The following ADAMTSL3 variants were observed in gnomAD, a reference collection of about 807,000 sequenced individuals.
The protein encoded by ADAMTSL3 is ADAMTS like 3, also known as ADAMTS-like protein 3.
In ADAMTSL3, 128 loss-of-function variants were observed where a neutral mutation model predicts 201.7. The observed-to-expected ratio is 0.63, with a 90% CI of 0.55 to 0.73. The LOEUF (loss-of-function observed/expected upper bound fraction) is 0.73. Among genes scored for constraint, ADAMTSL3 ranks in the 30% least tolerant of loss-of-function variants. The probability of loss-of-function intolerance (pLI) is 0.00; values close to 1 mark genes in which losing one functional copy is unlikely to be tolerated. For synonymous variants in ADAMTSL3, 738 were observed against 748.4 expected (o/e 0.99, Z 0.23); for missense variants, 1,990 against 2,119.6 (o/e 0.94, Z 1.20).
chr15:83,903,644 G>A (rs1236281651), intron 15 of ADAMTSL3, among the ~76,000 whole-genome samples: 1 of 151,774 alleles, frequency 6.6e-6, no homozygotes, highest in Non-Finnish European at 1.5e-5. Context: ...TCAGCCGGGC[G>A]CAGTGGCTCA....
chr15:83,915,599 G>A (rs1391967318), intron 16 of ADAMTSL3, among the ~76,000 whole-genome samples: 4 of 151,972 alleles, frequency 2.6e-5, no homozygotes, highest in African/African-American at 9.7e-5. Flanking sequence ...TTACAAAGTT[G>A]TGCAGCCGTT....
intron 16 of ADAMTSL3, among the ~76,000 whole-genome samples, chr15:83,917,606 A>T (rs940666614): frequency 1.3e-5 from 2 of 152,188 alleles, no homozygotes; most frequent in African/African-American, 4.8e-5. Flanking sequence ...CATCATAAAC[A>T]TTCCTTACCG....
intron 2 of ADAMTSL3, among the ~76,000 whole-genome samples, chr15:83,667,225 C>A (rs1014044616): frequency 6.6e-6 from 1 of 152,070 alleles, no homozygotes; most frequent in African/African-American, 2.4e-5. Context: ...ATCTTTCCGT[C>A]TTTTCTTGTG....
intron 6 of ADAMTSL3, among the ~76,000 whole-genome samples, chr15:83,822,529 G>A (rs1302420638): frequency 6.9e-6 from 1 of 145,912 alleles, no homozygotes; most frequent in Non-Finnish European, 1.5e-5. Context: ...GTTGCGGCCG[G>A]GTAGAGGCGC....
At chr15:83,834,252 T>C (rs995729804) in intron 6 of ADAMTSL3, among the ~76,000 whole-genome samples, 1 of 152,200 alleles carries the variant, frequency 6.6e-6, no homozygotes, top group Non-Finnish European at 1.5e-5. Flanking sequence ...CTTATAGAAG[T>C]GACACAGATC....
chr15:83,664,508 T>C (rs2061220824), intron 2 of ADAMTSL3, among the ~76,000 whole-genome samples: 1 of 152,242 alleles, frequency 6.6e-6, no homozygotes, highest in Non-Finnish European at 1.5e-5. Flanking sequence ...AGCCAGATCC[T>C]GGCATCACTG....
At chr15:83,806,187 T>C (rs7175491) in intron 5 of ADAMTSL3, among the ~76,000 whole-genome samples, 118,926 of 152,046 alleles carry the variant, frequency 0.78, 47,514 homozygotes, top group East Asian at 1. Flanking sequence ...ACCCTAGGCC[T>C]GGTGAAATGG....
At chr15:83,710,670 C>T (rs2061921682) in intron 3 of ADAMTSL3, among the ~76,000 whole-genome samples, 1 of 152,166 alleles carries the variant, frequency 6.6e-6, no homozygotes, top group East Asian at 1.9e-4. Context: ...CCTGGGATGT[C>T]ATTGGCTGCC....
At chr15:83,889,011 T>C (rs1057207900) in intron 10 of ADAMTSL3, among the ~76,000 whole-genome samples, 17 of 152,230 alleles carry the variant, frequency 1.1e-4, no homozygotes, top group African/African-American at 9.6e-5. Flanking sequence ...AATTACCTTT[T>C]TTTGAAAAAG....
intron 19 of ADAMTSL3, among the ~76,000 whole-genome samples, chr15:83,964,955 T>C (rs185668038): frequency 5.6e-4 from 85 of 152,298 alleles, no homozygotes; most frequent in Non-Finnish European, 9.7e-4. Flanking sequence ...TAAAATCCTT[T>C]ACAGGCAAGC....
intron 2 of ADAMTSL3, among the ~76,000 whole-genome samples, chr15:83,701,326 G>T (rs553641800): frequency 6.6e-6 from 1 of 152,234 alleles, no homozygotes; most frequent in South Asian, 2.1e-4. Flanking sequence ...CCTTGGACAG[G>T]CTCTCCCAGG....
chr15:83,791,785 A>G (rs1415659821), intron 4 of ADAMTSL3, among the ~76,000 whole-genome samples: 2 of 151,776 alleles, frequency 1.3e-5, no homozygotes, highest in East Asian at 3.9e-4. Flanking sequence ...GCGTGAACCC[A>G]GGAGGCTGAG....
intron 26 of ADAMTSL3, among the ~76,000 whole-genome samples, chr15:84,024,847 A>C (rs946652878): frequency 1.3e-5 from 2 of 152,230 alleles, no homozygotes; most frequent in African/African-American, 2.4e-5. Flanking sequence ...ACATGTAAGT[A>C]TCTTGCAGGG....
chr15:83,974,998 CTTTTTTTTTTTT>C (rs35557833), intron 20 of ADAMTSL3, among the ~76,000 whole-genome samples: 1 of 96,150 alleles, frequency 1.0e-5, no homozygotes, highest in Non-Finnish European at 2.0e-5. Flanking sequence ...CAGCCTGCGT[CTTTTTTTTTTTT>C]TTTTTTTTTT....
At chr15:84,022,969 C>T (rs1254676875) in intron 26 of ADAMTSL3, among the ~76,000 whole-genome samples, 1 of 152,154 alleles carries the variant, frequency 6.6e-6, no homozygotes, top group Non-Finnish European at 1.5e-5. Flanking sequence ...GGGAAACCAT[C>T]CCTGAACTTA....
At chr15:83,898,126 G>GT in intron 14 of ADAMTSL3, 121 bp downstream of exon 14, 2 of 1,091,814 alleles carry the variant, frequency 1.8e-6, no homozygotes, top group Non-Finnish European at 2.6e-6. Flanking sequence ...TTGACAGATT[G>GT]CAATAGACCT....
chr15:83,892,336 C>A (rs1320772018), intron 12 of ADAMTSL3, among the ~76,000 whole-genome samples: 1 of 151,826 alleles, frequency 6.6e-6, no homozygotes, highest in Non-Finnish European at 1.5e-5. Context: ...TCTAGATTAG[C>A]CTGGCCAACA....
chr15:83,924,066 G>T, intron 17 of ADAMTSL3, 33 bp downstream of exon 17: 1 of 1,610,338 alleles, frequency 6.2e-7, no homozygotes, highest in South Asian at 1.1e-5. Context: ...GGTATATACC[G>T]TGTCCGGGTG....
chr15:83,875,043 T>C (rs1181692874), intron 9 of ADAMTSL3, among the ~76,000 whole-genome samples: 1 of 150,530 alleles, frequency 6.6e-6, no homozygotes, highest in Non-Finnish European at 1.5e-5. Context: ...TGTGTTCATC[T>C]GGGTCCTCTA....
Sources: allele counts gnomAD v4.1 joint callset (sites outside exome capture counted in the v4.1 genomes callset), GRCh38; gene constraint gnomAD v4.1.1; transcripts MANE v1.5; gene names NCBI Gene and HGNC (gene_info 2026-07-23, HGNC 2026-07-21).